The following RPN2 variants were observed in gnomAD, a reference collection of about 807,000 sequenced individuals.
RPN2 encodes the protein dolichyl-diphosphooligosaccharide--protein glycosyltransferase subunit 2.
RPN2 carries 29 observed loss-of-function variants against 71.4 expected under a neutral mutation model. That is an observed-to-expected ratio of 0.41 (90% CI 0.30 to 0.55). RPN2 has a LOEUF of 0.55. Ranked by LOEUF, RPN2 falls within the 20% of genes least tolerant of loss-of-function variation. The pLI, the probability that RPN2 is intolerant of heterozygous loss-of-function variation, is 0.35. For missense variants in RPN2, 726 were observed against 774.1 expected (o/e 0.94, Z 0.74); for synonymous variants, 308 against 305.0 (o/e 1.01, Z -0.10).
chr20:37,202,517 G>A lies in RPN2; in HGVS notation c.480-1368G>A, dbSNP rs544827733. On this transcript the variant is annotated intron_variant, in intron 4 of 16. Coordinates refer to ENST00000237530, the MANE Select transcript of RPN2 (RefSeq NM_002951.5). ...TCTCTTAGGAATTAGGAAACCATTC[G>A]GGGTGGAAGCAGCAATCTGTTTAAC... Among the ~76,000 whole-genome samples, 6 of 152,236 alleles carry A rather than the reference G, an allele frequency of 3.9e-5. No homozygotes were observed. The East Asian group carries it at 1.2e-3, about 29-fold the overall frequency.
At chr20:37,189,818 T>C (rs1341800037) in intron 2 of RPN2, among the ~76,000 whole-genome samples, 1 of 152,218 alleles carries the variant, frequency 6.6e-6, no homozygotes, top group African/African-American at 2.4e-5. Context: ...GTAGCTATTA[T>C]CGTTCTTACA....
At chr20:37,183,792 T>C (rs2066935749) in intron 1 of RPN2, among the ~76,000 whole-genome samples, 1 of 152,218 alleles carries the variant, frequency 6.6e-6, no homozygotes, top group Non-Finnish European at 1.5e-5. Context: ...GGAAAGAACC[T>C]GGCTTCTTAG....
At position 37,228,726 on chromosome 20, in the gene RPN2, C is replaced by G; in HGVS notation, c.1476C>G (p.Asn492Lys). 6.2e-7 allele frequency: 1 copy of G among 1,614,200 alleles called. No individual in the cohort carries two copies. Among genetic ancestry groups the G allele is most frequent in the Non-Finnish European group, 8.5e-7 (1 of 1,180,024 alleles). ...YLIIGDATLK[N>K]PILWNVADVV... ...TCATTGGAGATGCCACTTTGAAGAACCCAATCCTCTGGAATGTGGTATGTG... is the reference window on the plus strand; with the variant it reads ...TCATTGGAGATGCCACTTTGAAGAAGCCAATCCTCTGGAATGTGGTATGTG... Residue 492 changes from asparagine (N) to lysine (K), a missense_variant, in exon 12 of 17, where the codon AAC (asparagine) becomes AAG (lysine). Physicochemically the swap from Asn to Lys is moderately conservative, Grantham distance 94 (BLOSUM62 0). Transcript: ENST00000237530.
At chr20:37,222,148 G>A (rs541984857) in intron 9 of RPN2, among the ~76,000 whole-genome samples, 25 of 152,184 alleles carry the variant, frequency 1.6e-4, no homozygotes, top group Non-Finnish European at 3.1e-4. Flanking sequence ...CCTTGCGTGA[G>A]TTGTAACGCT....
chr20:37,185,158 T>A (rs1460034958), intron 2 of RPN2, among the ~76,000 whole-genome samples: 1 of 151,938 alleles, frequency 6.6e-6, no homozygotes, highest in Non-Finnish European at 1.5e-5. Flanking sequence ...TTTTTTTTTT[T>A]TTTGAGACAG....
At chr20:37,201,688 G>A (rs1029027363) in intron 4 of RPN2, among the ~76,000 whole-genome samples, 3 of 152,124 alleles carry the variant, frequency 2.0e-5, no homozygotes, top group Admixed American at 2.0e-4. Context: ...TGCAAACCTG[G>A]AGAATGTCTC....
At chr20:37,233,987 T>C (rs759539491) in intron 14 of RPN2, 33 bp from the exon 15 acceptor site, 5 of 1,611,632 alleles carry the variant, frequency 3.1e-6, no homozygotes, top group Non-Finnish European at 3.4e-6. Context: ...TAAGTTCTAA[T>C]GCCTTTTTAA....
intron 2 of RPN2, among the ~76,000 whole-genome samples, chr20:37,195,318 G>A (rs1372050518): frequency 6.6e-6 from 1 of 152,158 alleles, no homozygotes; most frequent in Non-Finnish European, 1.5e-5. Context: ...GCCACTGAAC[G>A]CCGGACTGGT....
intron 16 of RPN2, chr20:37,238,395 T>C: frequency 6.2e-7 from 1 of 1,607,234 alleles, no homozygotes; most frequent in Non-Finnish European, 8.5e-7. Context: ...CCTCTTTCCT[T>C]TGGCAGGATC....
chr20:37,223,260 T>G (rs2068002425), intron 9 of RPN2, among the ~76,000 whole-genome samples: 1 of 152,210 alleles, frequency 6.6e-6, no homozygotes, highest in Non-Finnish European at 1.5e-5. Flanking sequence ...TGAGAAGTAC[T>G]TGGGCAACAG....
chr20:37,224,184 A>G (rs1383386145), intron 10 of RPN2, among the ~76,000 whole-genome samples: 4 of 151,564 alleles, frequency 2.6e-5, no homozygotes, highest in Admixed American at 1.3e-4. Flanking sequence ...TGTTTAGTCC[A>G]TGCACAAACT....
At chr20:37,179,421 A>G in intron 1 of RPN2, 52 bp downstream of exon 1, 1 of 70,974 alleles carries the variant, frequency 1.4e-5, no homozygotes, top group Non-Finnish European at 1.9e-5. Context: ...GCGGGAGGTT[A>G]CTAGTCGCCG....
chr20:37,225,177 AC>A (rs2068047878), intron 10 of RPN2, among the ~76,000 whole-genome samples: 1 of 152,170 alleles, frequency 6.6e-6, no homozygotes, highest in Non-Finnish European at 1.5e-5. Flanking sequence ...AGGGCAGAAA[AC>A]TAAATTGAAA....
chr20:37,191,018 C>G (rs954172894), intron 2 of RPN2, among the ~76,000 whole-genome samples: 20 of 152,210 alleles, frequency 1.3e-4, no homozygotes, highest in Admixed American at 4.6e-4. Flanking sequence ...CCTGGGCTCC[C>G]CTAGATACAC....
chr20:37,232,231 G>T, intron 13 of RPN2, 65 bp from the exon 14 acceptor site: 1 of 1,589,050 alleles, frequency 6.3e-7, no homozygotes. Flanking sequence ...TTGGTCCCCG[G>T]TATACATGGC....
At chr20:37,181,723 T>G (rs1285286349) in intron 1 of RPN2, among the ~76,000 whole-genome samples, 1 of 152,132 alleles carries the variant, frequency 6.6e-6, no homozygotes, top group Non-Finnish European at 1.5e-5. Context: ...CTGGCCATAT[T>G]GGGTTTTTCT....
chr20:37,190,314 G>GC (rs1329621177), intron 2 of RPN2, among the ~76,000 whole-genome samples: 1 of 152,226 alleles, frequency 6.6e-6, no homozygotes, highest in Non-Finnish European at 1.5e-5. Flanking sequence ...CCGGCCAGCT[G>GC]CCATGCAGTG....
At chr20:37,185,900 C>A (rs752046719) in intron 2 of RPN2, among the ~76,000 whole-genome samples, 1 of 152,232 alleles carries the variant, frequency 6.6e-6, no homozygotes, top group Non-Finnish European at 1.5e-5. Context: ...GGGCTCCTCC[C>A]GGAAGCACTG....
At chr20:37,209,497 G>A (rs910742948) in intron 7 of RPN2, among the ~76,000 whole-genome samples, 2 of 151,462 alleles carry the variant, frequency 1.3e-5, no homozygotes, top group African/African-American at 4.9e-5. Flanking sequence ...CAGAGACAGG[G>A]TTTCCCTCTG....
Sources: allele counts gnomAD v4.1 joint callset (sites outside exome capture counted in the v4.1 genomes callset), GRCh38; gene constraint gnomAD v4.1.1; transcripts MANE v1.5; gene names NCBI Gene and HGNC (gene_info 2026-07-23, HGNC 2026-07-21).